The following YY2 variants were observed in gnomAD, a reference collection of about 807,000 sequenced individuals.
YY2 encodes the protein transcription factor YY2.
For missense variants in YY2, 254 were observed against 305.3 expected, an observed-to-expected ratio of 0.83 and a Z score of 1.25; for synonymous variants, 157 against 131.2, an observed-to-expected ratio of 1.20 and a Z score of -1.35.
chrX:21,856,306 T>G lies in YY2; in HGVS notation c.-179T>G. The G allele has an allele frequency of 2.7e-6, 1 of 372,682 alleles. No individual in the cohort carries two copies. The highest frequency in any genetic ancestry group is 3.8e-5 in the South Asian group (1 of 26,500). The allele number at this position is 372,682 out of a possible 1,213,427, so 30.7% of individuals were successfully genotyped here. A position where few individuals can be genotyped will look rare whatever the true frequency, so the allele number is the denominator to read the frequency against. On this transcript the variant is annotated 5_prime_UTR_variant, in exon 1 of 1. Transcript: ENST00000429584. The stretch of plus-strand genomic sequence containing the variant: ...GCGCCTTTCTCTGCAGCTCGCGCCT[T>G]TCTCTGCAGCTCGCGCCTTTCTCTG...
At position 21,856,355 on chromosome X, in the gene YY2, TCGCGCC is replaced by T; in HGVS notation, c.-129_-124del. ...TGCAGCTCGCGCCTTTCTCTGCAGCTCGCGCCTTTCTCTGCAGCTCGCCCCTTCCTC... is the reference window on the plus strand; with the variant it reads ...TGCAGCTCGCGCCTTTCTCTGCAGCTTTTCTCTGCAGCTCGCCCCTTCCTC... On this transcript the variant is annotated 5_prime_UTR_variant, in exon 1 of 1. Transcript: ENST00000429584. The T allele has an allele frequency of 1.5e-6, 1 of 647,488 alleles. No individual in the cohort carries two copies. Among genetic ancestry groups the T allele is most frequent in the South Asian group, 2.7e-5 (1 of 36,896 alleles). The allele number at this position is 647,488 out of a possible 1,213,427, so 53.4% of individuals were successfully genotyped here.
rs111591468 is a variant in YY2, at chrX:21,856,413, C to T, written c.-72C>T. 147 of 1,115,316 alleles carry T rather than the reference C, an allele frequency of 1.3e-4. No homozygotes were observed. The African/African-American group carries it at 2.1e-3, about 16-fold the overall frequency. The allele number at this position is 1,115,316 out of a possible 1,213,427, so 91.9% of individuals were successfully genotyped here. Reference sequence around the variant, plus strand: ...GCAGCTCGCCCCTTCCTCTGCAGCTCCCACCTCACTCCCCTCAGCGTTCTT... The same window carrying T: ...GCAGCTCGCCCCTTCCTCTGCAGCTTCCACCTCACTCCCCTCAGCGTTCTT... On this transcript the variant is annotated 5_prime_UTR_variant, in exon 1 of 1. Coordinates refer to ENST00000429584, the MANE Select transcript of YY2 (RefSeq NM_206923.4).
rs2092921933 is a variant in YY2, at chrX:21,856,340, GC to G, written c.-143del. 1.3e-4 allele frequency: 61 copies of G among 466,042 alleles called. 1 individual carries two copies. The East Asian group carries it at 2.2e-3, about 17-fold the overall frequency. 38.4% of individuals were successfully genotyped at this position (466,042 alleles called of 1,213,427 possible). On this transcript the variant is annotated 5_prime_UTR_variant, in exon 1 of 1. It introduces an in-frame stop codon into an upstream open reading frame of the 5' UTR. Transcript: ENST00000429584. ...GCTCGCGCCTTTCTCTGCAGCTCGC[GC>G]CTTTCTCTGCAGCTCGCGCCTTTCT...
chrX:21,857,638 C>T lies in YY2; in HGVS notation c.*35C>T, dbSNP rs770220466. ...GACCCCTCTCAGACTTGGGAATTATCTTCCAGGACTGCGGTAGGGAATAAA... is the reference window on the plus strand; with the variant it reads ...GACCCCTCTCAGACTTGGGAATTATTTTCCAGGACTGCGGTAGGGAATAAA... On this transcript the variant is annotated 3_prime_UTR_variant, in exon 1 of 1. Coordinates refer to ENST00000429584, the MANE Select transcript of YY2 (RefSeq NM_206923.4). 8.6e-7 allele frequency: 1 copy of T among 1,159,165 alleles called. No homozygotes were observed. Among genetic ancestry groups the T allele is most frequent in the Non-Finnish European group, 1.2e-6 (1 of 865,958 alleles).
At position 21,857,890 on chromosome X, in the gene YY2, G is replaced by C. The variant is rs1480121663; in HGVS notation, c.*287G>C. The C allele has an allele frequency of 4.1e-6, 1 of 243,624 alleles. No individual in the cohort carries two copies. Among genetic ancestry groups the C allele is most frequent in the Non-Finnish European group, 7.6e-6 (1 of 131,394 alleles). 20.1% of individuals were successfully genotyped at this position (243,624 alleles called of 1,213,427 possible). A position where few individuals can be genotyped will look rare whatever the true frequency, so the allele number is the denominator to read the frequency against. On this transcript the variant is annotated 3_prime_UTR_variant, in exon 1 of 1. Transcript: ENST00000429584. Reference sequence around the variant, plus strand: ...GAAAAATTCGTAGACTTCACATCAAGAGACGGTTCTTACAAACTGTTTAAA... The same window carrying C: ...GAAAAATTCGTAGACTTCACATCAACAGACGGTTCTTACAAACTGTTTAAA...
Position 21,856,150 on chromosome X carries a change from C to T in YY2, c.-335C>T. On this transcript the variant is annotated 5_prime_UTR_variant, in exon 1 of 1. Transcript: ENST00000429584. Reference sequence around the variant, plus strand: ...TGGAAAAACAACAGCTGGGCGGGGTCGCAGGGTGGCAAACGTACGCGGGCA... The same window carrying T: ...TGGAAAAACAACAGCTGGGCGGGGTTGCAGGGTGGCAAACGTACGCGGGCA... 1 of 247,727 alleles carries T rather than the reference C, an allele frequency of 4.0e-6. No homozygotes were observed. Among genetic ancestry groups the T allele is most frequent in the Non-Finnish European group, 7.2e-6 (1 of 138,192 alleles). 20.4% of individuals were successfully genotyped at this position (247,727 alleles called of 1,213,427 possible).
At position 21,857,719 on chromosome X, in the gene YY2, C is replaced by A; in HGVS notation, c.*116C>A. On this transcript the variant is annotated 3_prime_UTR_variant, in exon 1 of 1. Transcript: ENST00000429584. ...TAAGAGTTTTAAAAAAAAATGAATC[C>A]TGCACATTTAAGGTTCGTGTTTTGT... 2 of 857,123 alleles carry A rather than the reference C, an allele frequency of 2.3e-6. No individual in the cohort carries two copies. The highest frequency in any genetic ancestry group is 1.6e-6 in the Non-Finnish European group (1 of 615,619). 70.6% of individuals were successfully genotyped at this position (857,123 alleles called of 1,213,427 possible). A position where few individuals can be genotyped will look rare whatever the true frequency, so the allele number is the denominator to read the frequency against.
rs1215736935 is a variant in YY2, at chrX:21,856,329, CTGCAGCTCGCGCCTT to C, written c.-154_-140del. ...CTTTCTCTGCAGCTCGCGCCTTTCT[CTGCAGCTCGCGCCTT>C]TCTCTGCAGCTCGCGCCTTTCTCTG... On this transcript the variant is annotated 5_prime_UTR_variant, in exon 1 of 1. Transcript: ENST00000429584. 5 of 493,340 alleles carry C rather than the reference CTGCAGCTCGCGCCTT, an allele frequency of 1.0e-5. No individual in the cohort carries two copies. The highest frequency in any genetic ancestry group is 2.4e-5 in the African/African-American group (1 of 41,216). The allele number at this position is 493,340 out of a possible 1,213,427, so 40.7% of individuals were successfully genotyped here. A position where few individuals can be genotyped will look rare whatever the true frequency, so the allele number is the denominator to read the frequency against.
At position 21,857,333 on chromosome X, in the gene YY2, C is replaced by T; in HGVS notation, c.849C>T (p.His283=). The T allele has an allele frequency of 1.6e-6, 2 of 1,212,206 alleles. No individual in the cohort carries two copies. Among genetic ancestry groups the T allele is most frequent in the East Asian group, 3.0e-5 (1 of 33,849 alleles). ...KHLHIHGPRV[H]VCAECGKAFL... ...TCCACATCCACGGGCCCAGAGTCCACGTATGTGCAGAATGTGGCAAAGCTT... is the reference window on the plus strand; with the variant it reads ...TCCACATCCACGGGCCCAGAGTCCATGTATGTGCAGAATGTGGCAAAGCTT... The change falls in exon 1 of 1, where the codon CAC becomes CAT. Residue 283 remains histidine (H), a synonymous_variant. Coordinates refer to ENST00000429584, the MANE Select transcript of YY2 (RefSeq NM_206923.4).
chrX:21,857,363 T>A lies in YY2; in HGVS notation c.879T>A (p.Leu293=), dbSNP rs1169948298. The change falls in exon 1 of 1, where the codon CTT becomes CTA. Residue 293 remains leucine (L), a synonymous_variant. Transcript: ENST00000429584. ...GTGCAGAATGTGGCAAAGCTTTTCT[T>A]GAGAGCTCAAAGCTGAGACGACACC... ...HVCAECGKAF[L]ESSKLRRHQL... The A allele has an allele frequency of 8.3e-7, 1 of 1,210,884 alleles. No homozygotes were observed. Among genetic ancestry groups the A allele is most frequent in the African/African-American group, 1.7e-5 (1 of 57,438 alleles).
chrX:21,856,280 C>A lies in YY2; in HGVS notation c.-205C>A. The A allele has an allele frequency of 3.5e-6, 1 of 287,090 alleles. No individual in the cohort carries two copies. Among genetic ancestry groups the A allele is most frequent in the Non-Finnish European group, 5.6e-6 (1 of 177,199 alleles). 23.7% of individuals were successfully genotyped at this position (287,090 alleles called of 1,213,427 possible). On this transcript the variant is annotated 5_prime_UTR_variant, in exon 1 of 1. Transcript: ENST00000429584. ...TTCCGGCTCGTGCTTTCCTCAGTCT[C>A]GCGCCTTTCTCTGCAGCTCGCGCCT...
rs140930537 is a variant in YY2 at position 21,856,562 on chromosome X, T to C, written c.78T>C (p.Asn26=). The change falls in exon 1 of 1, where the codon AAT becomes AAC. Residue 26 remains asparagine (N), a synonymous_variant. Coordinates refer to ENST00000429584, the MANE Select transcript of YY2 (RefSeq NM_206923.4). ...ATATTGTGGAGCTCCACGACATCAA[T>C]GTGGAGCCCCTTCCTATGGAGGACA... ...PADIVELHDI[N]VEPLPMEDIP... 2 of 1,209,896 alleles carry C rather than the reference T, an allele frequency of 1.7e-6. No homozygotes were observed. Among genetic ancestry groups the C allele is most frequent in the African/African-American group, 3.5e-5 (2 of 57,253 alleles).
rs908442138 is a variant in YY2, at chrX:21,857,865, GA to G, written c.*267del. Reference sequence around the variant, plus strand: ...TTTGTAAAGTTTGGTCCCAACAGGAGAAAAATTCGTAGACTTCACATCAAGA... The same window carrying G: ...TTTGTAAAGTTTGGTCCCAACAGGAGAAAATTCGTAGACTTCACATCAAGA... On this transcript the variant is annotated 3_prime_UTR_variant, in exon 1 of 1. Coordinates refer to ENST00000429584, the MANE Select transcript of YY2 (RefSeq NM_206923.4). The G allele has an allele frequency of 1.4e-5, 4 of 276,940 alleles. No individual in the cohort carries two copies. Among genetic ancestry groups the G allele is most frequent in the African/African-American group, 8.4e-5 (3 of 35,849 alleles). 22.8% of individuals were successfully genotyped at this position (276,940 alleles called of 1,213,427 possible). A position where few individuals can be genotyped will look rare whatever the true frequency, so the allele number is the denominator to read the frequency against.
Position 21,856,177 on chromosome X carries a change from G to T in YY2, c.-308G>T. The T allele has an allele frequency of 6.7e-6, 2 of 297,385 alleles. No individual in the cohort carries two copies. The highest frequency in any genetic ancestry group is 1.2e-5 in the Non-Finnish European group (2 of 168,945). The allele number at this position is 297,385 out of a possible 1,213,427, so 24.5% of individuals were successfully genotyped here. On this transcript the variant is annotated 5_prime_UTR_variant, in exon 1 of 1. Coordinates refer to ENST00000429584, the MANE Select transcript of YY2 (RefSeq NM_206923.4). Reference sequence around the variant, plus strand: ...CAGGGTGGCAAACGTACGCGGGCACGTGCACGTGCTTTTGGGGCCGACAGA... The same window carrying T: ...CAGGGTGGCAAACGTACGCGGGCACTTGCACGTGCTTTTGGGGCCGACAGA...
rs1476519230 is a variant in YY2, at chrX:21,856,282, C to T, written c.-203C>T. On this transcript the variant is annotated 5_prime_UTR_variant, in exon 1 of 1. Transcript: ENST00000429584. ...CCGGCTCGTGCTTTCCTCAGTCTCG[C>T]GCCTTTCTCTGCAGCTCGCGCCTTT... 3.5e-6 allele frequency: 1 copy of T among 285,938 alleles called. No homozygotes were observed. The highest frequency in any genetic ancestry group is 5.7e-6 in the Non-Finnish European group (1 of 176,385). The allele number at this position is 285,938 out of a possible 1,213,427, so 23.6% of individuals were successfully genotyped here.
chrX:21,856,264 G>A lies in YY2; in HGVS notation c.-221G>A, dbSNP rs1231293591. On this transcript the variant is annotated 5_prime_UTR_variant, in exon 1 of 1. It adds an upstream start codon to the 5' untranslated region. Coordinates refer to ENST00000429584, the MANE Select transcript of YY2 (RefSeq NM_206923.4). Reference sequence around the variant, plus strand: ...CAGAAGCACCTGCGCCTTCCGGCTCGTGCTTTCCTCAGTCTCGCGCCTTTC... The same window carrying A: ...CAGAAGCACCTGCGCCTTCCGGCTCATGCTTTCCTCAGTCTCGCGCCTTTC... The A allele has an allele frequency of 2.6e-5, 11 of 421,237 alleles. No individual in the cohort carries two copies. The highest frequency in any genetic ancestry group is 4.4e-5 in the Non-Finnish European group (11 of 249,308). 34.7% of individuals were successfully genotyped at this position (421,237 alleles called of 1,213,427 possible). A position where few individuals can be genotyped will look rare whatever the true frequency, so the allele number is the denominator to read the frequency against.
At position 21,857,599 on chromosome X, in the gene YY2, C is replaced by T; in HGVS notation, c.1115C>T (p.Pro372Leu). The T allele has an allele frequency of 3.3e-6, 4 of 1,199,586 alleles. No individual in the cohort carries two copies. The highest frequency in any genetic ancestry group is 4.5e-6 in the Non-Finnish European group (4 of 888,800). Residue 372 changes from proline to leucine, a missense_variant, in exon 1 of 1, where the codon CCG becomes CTG. Transcript: ENST00000429584. ...ILTHVKTKNN[P>L] ...ACGCATGTGAAGACCAAAAACAACC[C>T]GTGAAAAGGAGAAGACCCCTCTCAG...
chrX:21,858,625 C>G lies in YY2; in HGVS notation c.*1022C>G. ...GCCAATAGTGTCAGGTGCAGGGGCT[C>G]AGGCCTGTAATGTCAACACTTTGGG... On this transcript the variant is annotated 3_prime_UTR_variant, in exon 1 of 1. Transcript: ENST00000429584. 2.4e-5 allele frequency: 3 copies of G among 124,657 alleles called. No individual in the cohort carries two copies. 10.3% of individuals were successfully genotyped at this position (124,657 alleles called of 1,213,427 possible).
chrX:21,856,281 GCGCC>G lies in YY2; in HGVS notation c.-203_-200del. 7.2e-6 allele frequency: 2 copies of G among 279,071 alleles called. No homozygotes were observed. The highest frequency in any genetic ancestry group is 7.5e-5 in the East Asian group (1 of 13,375). 23.0% of individuals were successfully genotyped at this position (279,071 alleles called of 1,213,427 possible). On this transcript the variant is annotated 5_prime_UTR_variant, in exon 1 of 1. It introduces an in-frame stop codon into an upstream open reading frame of the 5' UTR. Coordinates refer to ENST00000429584, the MANE Select transcript of YY2 (RefSeq NM_206923.4). ...TCCGGCTCGTGCTTTCCTCAGTCTC[GCGCC>G]TTTCTCTGCAGCTCGCGCCTTTCTC...
Sources: gnomAD v4.1 joint callset for allele counts on GRCh38, gnomAD v4.1.1 for gene constraint, MANE v1.5 for transcripts, NCBI Gene and HGNC (gene_info 2026-07-23, HGNC 2026-07-21) for gene names.